MCF2L: variants seen among roughly 807,000 people sequenced by gnomAD.
MCF2L encodes the protein guanine nucleotide exchange factor DBS.
MCF2L carries 97 observed loss-of-function variants against 153.4 expected under a neutral mutation model. That is an observed-to-expected ratio of 0.63 (90% CI 0.54 to 0.75). MCF2L has a LOEUF of 0.75. Among genes scored for constraint, MCF2L ranks in the 30% least tolerant of loss-of-function variants. The pLI is 0.00. For missense variants in MCF2L, 1,347 were observed against 1,495.2 expected (o/e 0.90, Z 1.64); for synonymous variants, 659 against 632.2 (o/e 1.04, Z -0.64).
intron 1 of MCF2L, among the ~76,000 whole-genome samples, chr13:113,014,528 T>C (rs2084383513): frequency 6.6e-6 from 1 of 152,224 alleles, no homozygotes; most frequent in Admixed American, 6.5e-5. Context: ...TCCCTCTCTC[T>C]GAACCTCTTA....
Position 112,920,786 on chromosome 13 carries a change from G to A in MCF2L, c.169+18415G>A, listed in dbSNP as rs565700550. 2.6e-5 allele frequency among the ~76,000 whole-genome samples: 4 copies of A among 152,062 alleles called. No individual in the cohort carries two copies. In the East Asian group the frequency reaches 7.7e-4, roughly 29 times the overall value. On this transcript the variant is annotated intron_variant, in intron 2 of 29. Coordinates refer to the MCF2L transcript ENST00000375608. ...GTGGACAGGATTCAGAAGGTGGAGA[G>A]GAGGAAGAGCCCCACAGGCTGAGGG...
intron 27 of MCF2L, chr13:113,095,576 G>T (rs768624053): frequency 3.2e-4 from 322 of 998,494 alleles, no homozygotes; most frequent in Non-Finnish European, 3.6e-4. Context: ...TCACGTGAGG[G>T]CAGGCAGCCC....
chr13:112,973,016 C>T (rs1482828499), intron 1 of MCF2L, among the ~76,000 whole-genome samples: 2 of 151,866 alleles, frequency 1.3e-5, no homozygotes. Context: ...GTTCGGCACC[C>T]CCCAGTTGCA....
At chr13:113,030,664 A>G (rs1448608944) in intron 3 of MCF2L, among the ~76,000 whole-genome samples, 3 of 152,210 alleles carry the variant, frequency 2.0e-5, no homozygotes, top group South Asian at 2.1e-4. Flanking sequence ...CTCGTTCGTC[A>G]GAGGGCAGGT....
At chr13:113,095,629 G>A (rs1344197676) in intron 27 of MCF2L, 4 of 992,428 alleles carry the variant, frequency 4.0e-6, no homozygotes, top group Non-Finnish European at 3.6e-6. Context: ...GAGAGCAGGT[G>A]GCCCAGTCAC....
At chr13:113,001,909 G>A (rs1312594255) in intron 1 of MCF2L, 1 of 1,592,636 alleles carries the variant, frequency 6.3e-7, no homozygotes, top group Non-Finnish European at 8.5e-7. Flanking sequence ...GCACTGGGCA[G>A]CATGACGGTG....
Position 112,969,512 on chromosome 13 carries a change from C to A in MCF2L, c.79+54C>A. The A allele has an allele frequency of 5.2e-6, 8 of 1,547,646 alleles. No individual in the cohort carries two copies. Among genetic ancestry groups the A allele is most frequent in the Non-Finnish European group, 7.0e-6 (8 of 1,144,930 alleles). On this transcript the variant is annotated intron_variant, in intron 1 of 29. Coordinates refer to ENST00000535094, the MANE Select transcript of MCF2L (RefSeq NM_001112732.3). This position sits in a 1 kb window ranked among gnomAD's most constrained non-coding sequence, Gnocchi z 4.8. Reference sequence around the variant, plus strand: ...CTGTGCTTAAGCTTGACATCATGGGCTGAAATGTGGGGAAATGCGTCTGAT... The same window carrying A: ...CTGTGCTTAAGCTTGACATCATGGGATGAAATGTGGGGAAATGCGTCTGAT...
At chr13:112,938,164 AGG>A (rs2081539974) in intron 2 of MCF2L, among the ~76,000 whole-genome samples, 1 of 127,656 alleles carries the variant, frequency 7.8e-6, no homozygotes, top group Non-Finnish European at 1.6e-5. Flanking sequence ...GTGAGCGCTG[AGG>A]GGTTGGTTCA....
chr13:113,007,009 A>G (rs1410249995), intron 1 of MCF2L, among the ~76,000 whole-genome samples: 1 of 152,118 alleles, frequency 6.6e-6, no homozygotes, highest in East Asian at 1.9e-4. Flanking sequence ...CTCTGGAAGG[A>G]ACCTGCGTCC....
Position 113,074,342 on chromosome 13 carries a change from G to A in MCF2L, c.997-102G>A, listed in dbSNP as rs549912448. ...TGCTTGATTGATGACCACTTGGCCC[G>A]ACTTTGAATTCTGTCATTTCCCTGA... On this transcript the variant is annotated intron_variant, in intron 9 of 29. Transcript: ENST00000535094. The surrounding 1 kb of genome is among the most constrained non-coding windows in gnomAD (Gnocchi z 4.2). The A allele has an allele frequency of 2.5e-5, 37 of 1,476,408 alleles. No homozygotes were observed. The highest frequency in any genetic ancestry group is 2.3e-4 in the East Asian group (10 of 43,322). 91.5% of individuals were successfully genotyped at this position (1,476,408 alleles called of 1,614,324 possible). A position where few individuals can be genotyped will look rare whatever the true frequency, so the allele number is the denominator to read the frequency against.
intron 2 of MCF2L, among the ~76,000 whole-genome samples, chr13:113,018,412 T>C (rs1234735470): frequency 6.6e-6 from 1 of 152,148 alleles, no homozygotes; most frequent in African/African-American, 2.4e-5. Flanking sequence ...AACAAGGAAT[T>C]GGGTGTAAAA....
chr13:112,942,496 C>T (rs1020504953), intron 2 of MCF2L, among the ~76,000 whole-genome samples: 3 of 152,166 alleles, frequency 2.0e-5, no homozygotes, highest in Admixed American at 6.5e-5. Flanking sequence ...TGGTAGTGGT[C>T]CCCCAGGCCC....
chr13:113,067,291 A>G (rs1339127798), intron 8 of MCF2L, among the ~76,000 whole-genome samples: 2 of 135,848 alleles, frequency 1.5e-5, no homozygotes, highest in Non-Finnish European at 3.2e-5. Flanking sequence ...CAGAGGTCGC[A>G]GTGAGCCGAG....
chr13:112,967,727 A>C (rs1391272869), upstream of MCF2L: 1 of 153,120 alleles, frequency 6.5e-6, no homozygotes, highest in Non-Finnish European at 1.5e-5. Flanking sequence ...ATGTTGCCGG[A>C]TGCTCTTTTG....
At chr13:112,915,919 C>T (rs1440151581) in intron 2 of MCF2L, among the ~76,000 whole-genome samples, 1 of 151,972 alleles carries the variant, frequency 6.6e-6, no homozygotes, top group African/African-American at 2.4e-5. Flanking sequence ...TAAAAACAGG[C>T]CGGGCGCAGT....
chr13:113,054,091 C>G lies in MCF2L; in HGVS notation c.370-6502C>G, dbSNP rs1004266344. On this transcript the variant is annotated intron_variant, in intron 4 of 29. Transcript: ENST00000535094. The surrounding 1 kb of genome is among the most constrained non-coding windows in gnomAD (Gnocchi z 5.2). ...AGCTGCGGGGTGAGTGTGGGAGAGA[C>G]GGCGAGCTCCCTCCCATCAATCAAT... Among the ~76,000 whole-genome samples, 10 of 152,040 alleles carry G rather than the reference C, an allele frequency of 6.6e-5. No homozygotes were observed. Among genetic ancestry groups the G allele is most frequent in the Admixed American group, 5.2e-4 (8 of 15,254 alleles).
chr13:112,965,303 C>G (rs940922795), upstream of MCF2L: 1 of 152,250 alleles, frequency 6.6e-6, no homozygotes, highest in Admixed American at 6.5e-5. Context: ...GGTGCCCTCC[C>G]GTCACCACAT....
chr13:112,956,415 G>A (rs1205004281), intron 2 of MCF2L: 2 of 152,236 alleles, frequency 1.3e-5, no homozygotes, highest in Non-Finnish European at 2.9e-5. Flanking sequence ...TGAGAATTAA[G>A]TGTTAATGAC....
intron 1 of MCF2L, among the ~76,000 whole-genome samples, chr13:113,005,388 C>T (rs2083619447): frequency 6.6e-6 from 1 of 152,176 alleles, no homozygotes; most frequent in Non-Finnish European, 1.5e-5. Context: ...ACAGAGTTTC[C>T]GTTGTGCCAA....
Sources: gnomAD v4.1 joint callset for allele counts (sites outside exome capture counted in the v4.1 genomes callset) on GRCh38, gnomAD v4.1.1 for gene constraint, Gnocchi (gnomAD v3.1) non-coding constraint, MANE v1.5 for transcripts, NCBI Gene and HGNC (gene_info 2026-07-23, HGNC 2026-07-21) for gene names.